Variants in MALRD1 observed in about 807,000 individuals in gnomAD.
MALRD1 encodes the protein MAM and LDL-receptor class A domain-containing protein 1.
Under a neutral mutation model 242.1 loss-of-function variants are expected in MALRD1, and 247 were observed. That is an observed-to-expected ratio of 1.02 (90% CI 0.92 to 1.13). The LOEUF is 1.13. Ranked by LOEUF, MALRD1 falls within the 50% of genes most tolerant of loss-of-function variation. The probability of loss-of-function intolerance (pLI) is 0.00; values close to 1 mark genes in which losing one functional copy is unlikely to be tolerated. For missense variants in MALRD1, 2,989 were observed against 2,533.1 expected (o/e 1.18, Z -3.86); for synonymous variants, 995 against 866.6 (o/e 1.15, Z -2.60).
At chr10:19,535,381 T>C (rs1834621004) in intron 32 of MALRD1, among the ~76,000 whole-genome samples, 1 of 151,950 alleles carries the variant, frequency 6.6e-6, no homozygotes, top group Admixed American at 6.6e-5. Flanking sequence ...TTAAGGAATA[T>C]GTGTACTAGT....
At chr10:19,404,295 T>C (rs1846994428) in intron 28 of MALRD1, among the ~76,000 whole-genome samples, 1 of 152,032 alleles carries the variant, frequency 6.6e-6, no homozygotes, top group Non-Finnish European at 1.5e-5. Flanking sequence ...TAAACATCAT[T>C]AGGAAAAAAT....
At chr10:19,113,405 C>T (rs1484663279) in intron 5 of MALRD1, among the ~76,000 whole-genome samples, 1 of 152,058 alleles carries the variant, frequency 6.6e-6, no homozygotes, top group Non-Finnish European at 1.5e-5. Context: ...AACCTCTTTT[C>T]CTCTGCCCGA....
chr10:19,344,640 C>T (rs910637770), intron 24 of MALRD1, among the ~76,000 whole-genome samples: 9 of 147,828 alleles, frequency 6.1e-5, no homozygotes, highest in South Asian at 2.1e-4. Context: ...GTCCCTTTGA[C>T]GTTCTATATA....
At chr10:19,526,504 T>C (rs1419267685) in intron 31 of MALRD1, among the ~76,000 whole-genome samples, 2 of 152,106 alleles carry the variant, frequency 1.3e-5, no homozygotes, top group Non-Finnish European at 2.9e-5. Context: ...AGGTACATTT[T>C]TGCTTTCTTA....
At position 19,563,788 on chromosome 10, in the gene MALRD1, G is replaced by T. The variant is rs192139043; in HGVS notation, c.5479-3714G>T. Among the ~76,000 whole-genome samples the T allele has an allele frequency of 2.4e-3, 365 of 152,294 alleles. 1 individual carries two copies. Among genetic ancestry groups the T allele is most frequent in the African/African-American group, 8.6e-3 (358 of 41,552 alleles). ...AGTAGATGGTCTCTAATACACATCT[G>T]ATATAGGTTGGATGTCCCCTCCAAA... is the stretch of plus-strand genomic sequence containing the variant. On this transcript the variant is annotated intron_variant, in intron 32 of 39. Transcript: ENST00000454679.
At chr10:19,403,218 GA>G (rs1351877598) in intron 28 of MALRD1, among the ~76,000 whole-genome samples, 2 of 152,030 alleles carry the variant, frequency 1.3e-5, no homozygotes, top group Non-Finnish European at 2.9e-5. Flanking sequence ...ATCATATTGT[GA>G]ATATTATGCC....
intron 34 of MALRD1, among the ~76,000 whole-genome samples, chr10:19,603,976 A>G (rs1358812275): frequency 2.6e-5 from 4 of 152,170 alleles, no homozygotes; most frequent in African/African-American, 9.7e-5. Flanking sequence ...AGGCTGAACA[A>G]TATTGCAGTT....
intron 5 of MALRD1, among the ~76,000 whole-genome samples, chr10:19,117,481 T>C (rs1836913071): frequency 6.6e-6 from 1 of 152,024 alleles, no homozygotes; most frequent in Non-Finnish European, 1.5e-5. Flanking sequence ...AGTGATGAAT[T>C]AGAGATAATA....
chr10:19,269,710 C>G lies in MALRD1; in HGVS notation c.3080-10337C>G, dbSNP rs200705456. ...GAAGAAACGCTTTTCTCATTTAGCT[C>G]TTTTAGTGCTCTTCTCTTCAATGCA... On this transcript the variant is annotated intron_variant, in intron 19 of 39. Transcript: ENST00000454679. Among the ~76,000 whole-genome samples, 17 of 152,300 alleles carry G rather than the reference C, an allele frequency of 1.1e-4. No individual in the cohort carries two copies. In the East Asian group the frequency reaches 3.1e-3, roughly 28 times the overall value.
chr10:19,237,611 A>ATAATT (rs1838397767), intron 18 of MALRD1, among the ~76,000 whole-genome samples: 1 of 8,086 alleles, frequency 1.2e-4, no homozygotes, highest in Admixed American at 2.5e-3. Flanking sequence ...TATAATTATA[A>ATAATT]TTATATAATT....
chr10:19,124,043 C>T (rs1446203044), intron 6 of MALRD1, among the ~76,000 whole-genome samples: 1 of 87,290 alleles, frequency 1.1e-5, no homozygotes, highest in African/African-American at 4.0e-5. Context: ...TCATCTCTAC[C>T]AAAAAAAAAA....
At position 19,175,283 on chromosome 10, in the gene MALRD1, G is replaced by A; in HGVS notation, c.1906G>A (p.Glu636Lys). ...LDDISVSQEC[E>K]ISYKSLPRTS... ...TGACATCAGTGTGTCCCAGGAATGT[G>A]AAATTTCCTATAAATCACTACCAAG... Residue 636 changes from glutamate (E) to lysine (K), a missense_variant, in exon 14 of 40, where the codon GAA becomes AAA. Transcript: ENST00000454679. 1 of 1,230,610 alleles carries A rather than the reference G, an allele frequency of 8.1e-7. No individual in the cohort carries two copies. The highest frequency in any genetic ancestry group is 1.6e-5 in the African/African-American group (1 of 64,472). The allele number at this position is 1,230,610 out of a possible 1,614,324, so 76.2% of individuals were successfully genotyped here.
At position 19,389,455 on chromosome 10, in the gene MALRD1, A is replaced by G. The variant is rs1164090584; in HGVS notation, c.4691A>G (p.His1564Arg). 6.5e-7 allele frequency: 1 copy of G among 1,550,134 alleles called. No individual in the cohort carries two copies. The highest frequency in any genetic ancestry group is 1.2e-5 in the South Asian group (1 of 84,022). Residue 1564 changes from histidine (H) to arginine (R), a missense_variant, in exon 28 of 40, where the codon CAC becomes CGC. His to Arg is a conservative substitution (Grantham distance 29, BLOSUM62 0). Coordinates refer to ENST00000454679, the MANE Select transcript of MALRD1 (RefSeq NM_001142308.3). ...TGAATTCTGTCCTTGTTCCTAGGGC[A>G]CTTCATGTATCTGGAAGCTACTGCA... Reference protein sequence around the residue: ...KDHTLGNENGHFMYLEATAVG... With the variant: ...KDHTLGNENGRFMYLEATAVG...
At chr10:19,572,944 T>C (rs1836634942) in intron 33 of MALRD1, among the ~76,000 whole-genome samples, 1 of 152,214 alleles carries the variant, frequency 6.6e-6, no homozygotes, top group Non-Finnish European at 1.5e-5. Context: ...TCCACAACTA[T>C]GGAAGCATAA....
chr10:19,491,195 G>A, intron 29 of MALRD1: 1 of 532,138 alleles, frequency 1.9e-6, no homozygotes, highest in Non-Finnish European at 3.6e-6. Context: ...AGGATTTGGT[G>A]GCAGGCTGCA....
At position 19,607,762 on chromosome 10, in the gene MALRD1, C is replaced by CTTT; in HGVS notation, c.5945-7_5945-5dup. Reference sequence around the variant, plus strand: ...CATGCTGGCATCCCTGATCATTATTCTTTTTTTTTTGCAGCCAACAAAAGC... The same window carrying CTTT: ...CATGCTGGCATCCCTGATCATTATTCTTTTTTTTTTTTTGCAGCCAACAAAAGC... On this transcript the variant is annotated splice_polypyrimidine_tract_variant and intron_variant, in intron 34 of 39. Coordinates refer to ENST00000454679, the MANE Select transcript of MALRD1 (RefSeq NM_001142308.3). The CTTT allele has an allele frequency of 7.6e-7, 1 of 1,317,582 alleles. No individual in the cohort carries two copies. The highest frequency in any genetic ancestry group is 1.5e-5 in the South Asian group (1 of 65,514). The allele number at this position is 1,317,582 out of a possible 1,614,324, so 81.6% of individuals were successfully genotyped here.
intron 21 of MALRD1, among the ~76,000 whole-genome samples, chr10:19,293,834 C>G (rs892607457): frequency 6.6e-6 from 1 of 152,140 alleles, no homozygotes; most frequent in Non-Finnish European, 1.5e-5. Flanking sequence ...ATGAAATAAT[C>G]TTTACAACAA....
intron 26 of MALRD1, among the ~76,000 whole-genome samples, chr10:19,375,464 T>TAATA (rs975774693): frequency 1.3e-5 from 2 of 152,120 alleles, no homozygotes; most frequent in Admixed American, 1.3e-4. Flanking sequence ...TATTGGGCTT[T>TAATA]AAGGTAATAG....
chr10:19,318,141 G>C (rs1588901701), intron 21 of MALRD1, among the ~76,000 whole-genome samples: 1 of 152,110 alleles, frequency 6.6e-6, no homozygotes, highest in Non-Finnish European at 1.5e-5. Context: ...GATTTCCTCT[G>C]CAGGTTTATG....
Sources: gnomAD v4.1 joint callset for allele counts (sites outside exome capture counted in the v4.1 genomes callset) on GRCh38, gnomAD v4.1.1 for gene constraint, MANE v1.5 for transcripts, NCBI Gene and HGNC (gene_info 2026-07-23, HGNC 2026-07-21) for gene names.